Variants in RANBP10 observed in about 807,000 individuals in gnomAD.
The protein encoded by RANBP10 is ran-binding protein 10.
In RANBP10, 24 loss-of-function variants were observed where a neutral mutation model predicts 72.8. The observed-to-expected ratio is 0.33, with a 90% CI of 0.24 to 0.46. The LOEUF is 0.46. Ranked by LOEUF, RANBP10 falls within the 20% of genes least tolerant of loss-of-function variation. RANBP10 has a pLI of 1.00. For missense variants in RANBP10, 679 were observed against 817.5 expected (o/e 0.83, Z 2.07); for synonymous variants, 310 against 322.3 (o/e 0.96, Z 0.41).
chr16:67,794,448 C>G (rs115293731), intron 2 of RANBP10, among the ~76,000 whole-genome samples: 1 of 150,926 alleles, frequency 6.6e-6, no homozygotes, highest in Non-Finnish European at 1.5e-5. Context: ...AAATAAAAAA[C>G]GAGCCACCAC....
At chr16:67,748,826 C>G (rs2054141088) in intron 3 of RANBP10, among the ~76,000 whole-genome samples, 1 of 152,124 alleles carries the variant, frequency 6.6e-6, no homozygotes, top group Non-Finnish European at 1.5e-5. Context: ...AGGACCTGCA[C>G]AGGCTGGGGA....
At chr16:67,762,073 T>C (rs145256887) in intron 3 of RANBP10, among the ~76,000 whole-genome samples, 6,289 of 151,870 alleles carry the variant, frequency 0.041, 352 homozygotes, top group African/African-American at 0.13. Context: ...CTGGGCAACA[T>C]AGCAAGACCC....
At chr16:67,790,833 G>A (rs2055010635) in intron 2 of RANBP10, among the ~76,000 whole-genome samples, 1 of 151,338 alleles carries the variant, frequency 6.6e-6, no homozygotes, top group African/African-American at 2.4e-5. Flanking sequence ...CTGAGCTGCT[G>A]GGATTACAGG....
chr16:67,729,604 G>A lies in RANBP10; in HGVS notation c.1147+76C>T. ...AATCCAGCAGTGAGCCCTGAGCCCA[G>A]CCCAGGAAAGGGTATGTGGAGTGGC... On this transcript the variant is annotated intron_variant, in intron 9 of 13. Transcript: ENST00000317506. The surrounding 1 kb of genome is among the most constrained non-coding windows in gnomAD (Gnocchi z 7.1). The A allele has an allele frequency of 6.4e-7, 1 of 1,558,462 alleles. No individual in the cohort carries two copies. The highest frequency in any genetic ancestry group is 1.4e-5 in the African/African-American group (1 of 73,622).
chr16:67,797,551 C>T (rs9934636), intron 2 of RANBP10, among the ~76,000 whole-genome samples: 20,896 of 152,080 alleles, frequency 0.14, 2,912 homozygotes, highest in African/African-American at 0.36. Context: ...GGCTCACACC[C>T]GTAGTCCCAG....
At chr16:67,731,759 T>C (rs2053738479) in intron 6 of RANBP10, among the ~76,000 whole-genome samples, 175 bp from the exon 7 acceptor site, 1 of 152,180 alleles carries the variant, frequency 6.6e-6, no homozygotes, top group African/African-American at 2.4e-5. Context: ...TCCCCCATGG[T>C]GCCCCACGGT....
intron 3 of RANBP10, among the ~76,000 whole-genome samples, chr16:67,768,878 A>G (rs758052556): frequency 6.6e-6 from 1 of 152,250 alleles, no homozygotes; most frequent in Non-Finnish European, 1.5e-5. Context: ...TTTAAAACAG[A>G]TAACATATTC....
chr16:67,769,346 A>G lies in RANBP10; in HGVS notation c.400+2688T>C, dbSNP rs187715144. Among the ~76,000 whole-genome samples, 196 of 149,726 alleles carry G rather than the reference A, an allele frequency of 1.3e-3. 4 individuals are homozygous for G. The Middle Eastern group carries it at 0.046, about 35-fold the overall frequency. On this transcript the variant is annotated intron_variant, in intron 3 of 13. Transcript: ENST00000317506. ...ATAGTCCCAGCTACTTAGGAGGCTG[A>G]GATGGGAGGATCGCTTGAGCCCAGC...
At chr16:67,757,975 G>A (rs1383768318) in intron 3 of RANBP10, among the ~76,000 whole-genome samples, 1 of 152,164 alleles carries the variant, frequency 6.6e-6, no homozygotes, top group Admixed American at 6.5e-5. Flanking sequence ...ACACCAAGTG[G>A]GGCATGCCTT....
chr16:67,806,523 G>A lies in RANBP10; in HGVS notation c.14C>T (p.Thr5Met), dbSNP rs746283429. The A allele has an allele frequency of 2.4e-5, 36 of 1,510,024 alleles. No homozygotes were observed. The highest frequency in any genetic ancestry group is 6.2e-5 in the South Asian group (5 of 80,992). 93.5% of individuals were successfully genotyped at this position (1,510,024 alleles called of 1,614,324 possible). A position where few individuals can be genotyped will look rare whatever the true frequency, so the allele number is the denominator to read the frequency against. MAAA[T>M]ADPGAGNPQP... ...CGGGTTCCCAGCTCCCGGGTCTGCC[G>A]TCGCTGCCGCCATCTTGGAGGGAGC... Residue 5 changes from threonine to methionine, a missense_variant, in exon 1 of 14, where the codon ACG becomes ATG. By Grantham distance (81) the Thr-to-Met change is moderately conservative. Transcript: ENST00000317506.
chr16:67,800,029 G>A (rs2055206620), intron 2 of RANBP10, among the ~76,000 whole-genome samples: 1 of 152,134 alleles, frequency 6.6e-6, no homozygotes, highest in Admixed American at 6.6e-5. Context: ...GGTGAGGCAG[G>A]GGAATCACTT....
At chr16:67,805,568 C>T (rs2151168745) in intron 1 of RANBP10, 29 bp from the exon 2 acceptor site, 1 of 1,590,888 alleles carries the variant, frequency 6.3e-7, no homozygotes, top group Non-Finnish European at 8.6e-7. Flanking sequence ...TAAGAAATTT[C>T]AGCAGAAGGA....
In RANBP10 at chr16:67,805,551, G is replaced by A. The variant is rs1169579542; in HGVS notation, c.236-12C>T. Reference sequence around the variant, plus strand: ...ATTTTTGCCATGACCTAACAGGAGAGGGCAAGTAAGAAATTTCAGCAGAAG... The same window carrying A: ...ATTTTTGCCATGACCTAACAGGAGAAGGCAAGTAAGAAATTTCAGCAGAAG... On this transcript the variant is annotated splice_polypyrimidine_tract_variant and intron_variant, in intron 1 of 13. Coordinates refer to ENST00000317506, the MANE Select transcript of RANBP10 (RefSeq NM_020850.3). The A allele has an allele frequency of 6.2e-7, 1 of 1,607,580 alleles. No homozygotes were observed. Among genetic ancestry groups the A allele is most frequent in the South Asian group, 1.1e-5 (1 of 90,266 alleles).
chr16:67,738,049 G>A lies in RANBP10; in HGVS notation c.569-14C>T. The A allele has an allele frequency of 1.9e-6, 3 of 1,587,260 alleles. No individual in the cohort carries two copies. The highest frequency in any genetic ancestry group is 2.6e-6 in the Non-Finnish European group (3 of 1,165,548). ...TGAAGGCTATACCTGTGGGGGGAAA[G>A]GAACAGTCATCAGGGCCAGCCCCTG... On this transcript the variant is annotated splice_polypyrimidine_tract_variant and intron_variant, in intron 4 of 13. Transcript: ENST00000317506.
At chr16:67,771,026 G>A (rs2054597874) in intron 3 of RANBP10, among the ~76,000 whole-genome samples, 1 of 152,108 alleles carries the variant, frequency 6.6e-6, no homozygotes, top group Admixed American at 6.5e-5. Context: ...ACTTAGGGAG[G>A]CCAAGGCAGG....
intron 5 of RANBP10, 71 bp from the exon 6 acceptor site, chr16:67,735,113 T>C: frequency 2.9e-6 from 4 of 1,374,914 alleles, no homozygotes; most frequent in Middle Eastern, 4.0e-4. Flanking sequence ...CTCACCTCCA[T>C]GGCTGCTGCT....
At chr16:67,806,208 G>A in intron 1 of RANBP10, 94 bp downstream of exon 1, 2 of 1,219,700 alleles carry the variant, frequency 1.6e-6, no homozygotes, top group Non-Finnish European at 2.3e-6. Flanking sequence ...GAGCACCTAG[G>A]CAGGGAAAGG....
intron 5 of RANBP10, among the ~76,000 whole-genome samples, chr16:67,736,737 G>A (rs1012270733): frequency 2.6e-5 from 4 of 152,228 alleles, no homozygotes; most frequent in Non-Finnish European, 5.9e-5. Flanking sequence ...TCCCTAGCCA[G>A]GGTCAGCATT....
At chr16:67,777,854 T>A (rs2054735680) in intron 2 of RANBP10, among the ~76,000 whole-genome samples, 1 of 152,112 alleles carries the variant, frequency 6.6e-6, no homozygotes, top group Non-Finnish European at 1.5e-5. Flanking sequence ...ATTTCAAAAC[T>A]TACTACAAAG....
Sources: allele counts gnomAD v4.1 joint callset (sites outside exome capture counted in the v4.1 genomes callset), GRCh38; gene constraint gnomAD v4.1.1; non-coding constraint Gnocchi (gnomAD v3.1); transcripts MANE v1.5; gene names NCBI Gene and HGNC (gene_info 2026-07-23, HGNC 2026-07-21).